CUX1: variants seen among roughly 807,000 people sequenced by gnomAD.
The protein encoded by CUX1 is protein CASP.
Under a neutral mutation model 158.8 loss-of-function variants are expected in CUX1, and 31 were observed. The observed-to-expected ratio is 0.20, with a 90% CI of 0.15 to 0.26. The LOEUF (loss-of-function observed/expected upper bound fraction) is 0.26. Ranked by LOEUF, CUX1 falls within the 10% of genes least tolerant of loss-of-function variation. The pLI is 1.00. For synonymous variants in CUX1, 879 were observed against 862.1 expected (o/e 1.02, Z -0.34); for missense variants, 1,589 against 2,014.6 (o/e 0.79, Z 4.04).
chr7:102,048,428 T>G (rs544054533), intron 3 of CUX1, among the ~76,000 whole-genome samples: 1 of 152,114 alleles, frequency 6.6e-6, no homozygotes, highest in South Asian at 2.1e-4. Flanking sequence ...GGTCACTCGG[T>G]TGGAAGGCGT....
chr7:102,242,021 G>A (rs1328583460), intron 23 of CUX1, among the ~76,000 whole-genome samples: 4 of 152,122 alleles, frequency 2.6e-5, no homozygotes, highest in Admixed American at 2.0e-4. Flanking sequence ...TCCAAATTTA[G>A]CAATCAGATC....
At chr7:101,863,093 A>G (rs1295757043) in intron 1 of CUX1, among the ~76,000 whole-genome samples, 1 of 152,280 alleles carries the variant, frequency 6.6e-6, no homozygotes, top group South Asian at 2.1e-4. Context: ...ATCTTTTGCC[A>G]TCCACAGATA....
chr7:101,848,900 A>C, intron 1 of CUX1, among the ~76,000 whole-genome samples: 1 of 104,410 alleles, frequency 9.6e-6, no homozygotes, highest in Non-Finnish European at 1.8e-5. Flanking sequence ...CTAACTGAAC[A>C]CTTGCAAGGC....
In CUX1 at chr7:101,825,798, T is replaced by TGTGTGTGC. The variant is rs1362738281; in HGVS notation, c.30+8130_30+8131insTGTGTGCG. ...GTGTGTGTGTGTGTGTGTGTGTGTGTGCGCGCGCGCGCGCAGTTAGTCTTC... is the reference window on the plus strand; with the variant it reads ...GTGTGTGTGTGTGTGTGTGTGTGTGTGTGTGTGCGCGCGCGCGCGCGCAGTTAGTCTTC... On this transcript the variant is annotated intron_variant, in intron 1 of 23. Coordinates refer to ENST00000292535, the MANE Select transcript of CUX1 (RefSeq NM_181552.4). 6.4e-3 allele frequency among the ~76,000 whole-genome samples: 502 copies of TGTGTGTGC among 78,386 alleles called. 2 individuals carry two copies. The highest frequency in any genetic ancestry group is 0.017 in the Admixed American group (134 of 7,964). The allele number at this position is 78,386 out of a possible 152,430, so 51.4% of individuals were successfully genotyped here. A position where few individuals can be genotyped will look rare whatever the true frequency, so the allele number is the denominator to read the frequency against.
intron 1 of CUX1, among the ~76,000 whole-genome samples, chr7:101,858,689 G>A (rs932650367): frequency 1.1e-4 from 12 of 113,674 alleles, no homozygotes; most frequent in African/African-American, 3.9e-4. Context: ...TTTTTGAGAT[G>A]GCGTCTTGCT....
intron 1 of CUX1, among the ~76,000 whole-genome samples, chr7:101,894,538 C>T (rs778725616): frequency 1.1e-4 from 17 of 152,186 alleles, no homozygotes; most frequent in Non-Finnish European, 1.8e-4. Flanking sequence ...TCTCAAACTC[C>T]TGACCTCAGG....
intron 4 of CUX1, among the ~76,000 whole-genome samples, chr7:102,076,012 C>T (rs1040225878): frequency 6.6e-6 from 1 of 152,094 alleles, no homozygotes; most frequent in African/African-American, 2.4e-5. Flanking sequence ...CCACCATCCC[C>T]ACCCGCCCCA....
chr7:102,066,274 T>C (rs1436338731), intron 3 of CUX1, among the ~76,000 whole-genome samples: 1 of 152,160 alleles, frequency 6.6e-6, no homozygotes, highest in Non-Finnish European at 1.5e-5. Flanking sequence ...TGTCTGTTTC[T>C]GTGTCCAGGT....
intron 1 of CUX1, among the ~76,000 whole-genome samples, chr7:101,859,800 C>T (rs545067776): frequency 1.3e-5 from 2 of 149,506 alleles, no homozygotes; most frequent in East Asian, 1.9e-4. Context: ...GGTTGCTTTT[C>T]TCTCTCTCTC....
At chr7:102,130,761 T>A (rs1266992296) in intron 8 of CUX1, among the ~76,000 whole-genome samples, 2 of 152,166 alleles carry the variant, frequency 1.3e-5, no homozygotes, top group African/African-American at 2.4e-5. Flanking sequence ...TCTTGAAATT[T>A]TATGGAATAG....
intron 4 of CUX1, among the ~76,000 whole-genome samples, chr7:102,085,544 A>G (rs1563220972): frequency 6.6e-6 from 1 of 152,166 alleles, no homozygotes; most frequent in Non-Finnish European, 1.5e-5. Flanking sequence ...TCCTGCTGCC[A>G]TGTGAGGAAG....
At chr7:102,168,880 A>G (rs1586016803) in intron 9 of CUX1, among the ~76,000 whole-genome samples, 1 of 148,884 alleles carries the variant, frequency 6.7e-6, no homozygotes, top group East Asian at 2.0e-4. Flanking sequence ...CTGCTTGGCC[A>G]GGCTTTTCTT....
rs1259086264 is a variant in CUX1 at position 102,248,875 on chromosome 7, C to A, written c.4351C>A (p.Arg1451Ser). 8.2e-6 allele frequency: 11 copies of A among 1,343,254 alleles called. No individual in the cohort carries two copies. The highest frequency in any genetic ancestry group is 1.1e-5 in the Non-Finnish European group (11 of 1,039,720). The allele number at this position is 1,343,254 out of a possible 1,614,324, so 83.2% of individuals were successfully genotyped here. The change falls in exon 24 of 24, where the codon CGC becomes AGC. Residue 1451 changes from arginine (R) to serine (S), a missense_variant. This residue lies in a region of CUX1 where 344 missense variants were observed against 323.7 expected (regional missense o/e 1.06). Coordinates refer to ENST00000292535, the MANE Select transcript of CUX1 (RefSeq NM_181552.4). The surrounding 1 kb of genome is among the most constrained non-coding windows in gnomAD (Gnocchi z 5.8). The stretch of plus-strand genomic sequence containing the variant: ...CAACAGCAGCAGCAGCAGCGCCCCC[C>A]GCAGGCCCAGCTCGCTGCAGAGCCT... The part of the protein sequence containing the change: ...PSNSSSSSAP[R>S]RPSSLQSLFG...
chr7:102,210,669 C>A (rs1308878137), intron 20 of CUX1, among the ~76,000 whole-genome samples: 2 of 152,170 alleles, frequency 1.3e-5, no homozygotes, highest in East Asian at 1.9e-4. Flanking sequence ...TCTTTCCTGG[C>A]GTGTTAGGAA....
chr7:101,950,608 T>C (rs1028166270), intron 2 of CUX1, among the ~76,000 whole-genome samples: 3 of 152,228 alleles, frequency 2.0e-5, no homozygotes, highest in African/African-American at 7.2e-5. Context: ...GCCATACTCA[T>C]TTGTTTATCT....
In CUX1 at chr7:102,069,325, A is replaced by G. The variant is rs112740751; in HGVS notation, c.190-1014A>G. On this transcript the variant is annotated intron_variant, in intron 3 of 23. Coordinates refer to ENST00000292535, the MANE Select transcript of CUX1 (RefSeq NM_181552.4). Reference sequence around the variant, plus strand: ...CGTCACCCACAGCTCCTGCATATGTATCCGCGTTCCCACCTGGCAGACTCT... The same window carrying G: ...CGTCACCCACAGCTCCTGCATATGTGTCCGCGTTCCCACCTGGCAGACTCT... Among the ~76,000 whole-genome samples, 10 of 152,144 alleles carry G rather than the reference A, an allele frequency of 6.6e-5. 1 individual carries two copies. The highest frequency in any genetic ancestry group is 2.0e-4 in the Admixed American group (3 of 15,278).
At chr7:101,901,353 G>A (rs1378098291) in intron 1 of CUX1, among the ~76,000 whole-genome samples, 1 of 152,022 alleles carries the variant, frequency 6.6e-6, no homozygotes, top group Non-Finnish European at 1.5e-5. Flanking sequence ...GAGTGCAGTG[G>A]TGTGAACTTG....
chr7:102,060,865 G>T (rs1275146207), intron 3 of CUX1, among the ~76,000 whole-genome samples: 1 of 144,028 alleles, frequency 6.9e-6, no homozygotes, highest in Non-Finnish European at 1.5e-5. Flanking sequence ...GCCCACCTCA[G>T]CCTCCAAAAG....
chr7:102,200,374 T>C (rs1554519312), intron 17 of CUX1, among the ~76,000 whole-genome samples: 1 of 152,152 alleles, frequency 6.6e-6, no homozygotes, highest in African/African-American at 2.4e-5. Context: ...ATGCAGTCTC[T>C]CTCTGTTGCC....
Sources: gnomAD v4.1 joint callset for allele counts (sites outside exome capture counted in the v4.1 genomes callset) on GRCh38, gnomAD v4.1.1 for gene constraint, gnomAD v4.1.1 regional missense constraint, Gnocchi (gnomAD v3.1) non-coding constraint, MANE v1.5 for transcripts, NCBI Gene and HGNC (gene_info 2026-07-23, HGNC 2026-07-21) for gene names.